Variants in ABCB1 observed in about 807,000 individuals in gnomAD.
The protein encoded by ABCB1 is ATP-dependent translocase ABCB1.
A neutral mutation model predicts 142.0 loss-of-function variants in ABCB1; 69 were observed. The observed-to-expected ratio is 0.49, with a 90% CI of 0.40 to 0.59. ABCB1 has a LOEUF of 0.59. ABCB1 is among the 20% of genes least tolerant of loss of function. The pLI, the probability that ABCB1 is intolerant of heterozygous loss-of-function variation, is 0.00. For missense variants in ABCB1, 1,326 were observed against 1,554.7 expected (o/e 0.85, Z 2.47); for synonymous variants, 532 against 539.2 (o/e 0.99, Z 0.18).
Position 87,504,203 on chromosome 7 carries a change from C to T in ABCB1, c.*40G>A. Reference sequence around the variant, plus strand: ...ACTTTGAATAAATGTCATATCTAAACAAATATTAAAAAGTATTTAACATCT... The same window carrying T: ...ACTTTGAATAAATGTCATATCTAAATAAATATTAAAAAGTATTTAACATCT... On this transcript the variant is annotated 3_prime_UTR_variant, in exon 28 of 28. Coordinates refer to ENST00000622132, the MANE Select transcript of ABCB1 (RefSeq NM_001348946.2). The T allele has an allele frequency of 6.2e-7, 1 of 1,611,350 alleles. No individual in the cohort carries two copies. Among genetic ancestry groups the T allele is most frequent in the Non-Finnish European group, 8.5e-7 (1 of 1,177,848 alleles).
At chr7:87,662,614 A>G (rs763334951) in intron 1 of ABCB1, among the ~76,000 whole-genome samples, 1 of 151,908 alleles carries the variant, frequency 6.6e-6, no homozygotes, top group Non-Finnish European at 1.5e-5. Flanking sequence ...TGGTCTATGT[A>G]TCTCTTTTTA....
At chr7:87,629,235 G>C (rs1820955509) in intron 1 of ABCB1, 1 of 324,692 alleles carries the variant, frequency 3.1e-6, no homozygotes, top group African/African-American at 2.1e-5. Flanking sequence ...GCGTCAGAGT[G>C]AAAGAGGAGG....
rs59787582 is a variant in ABCB1, at chr7:87,553,753, C to T, written c.999+8G>A. ...ATAATGGTTCATTTCTCAATGTAAA[C>T]CACTTACAGTGAGTACTTGTCCAAT... On this transcript the variant is annotated splice_region_variant and intron_variant, in intron 9 of 27. Coordinates refer to ENST00000622132, the MANE Select transcript of ABCB1 (RefSeq NM_001348946.2). The T allele has an allele frequency of 3.1e-6, 5 of 1,612,494 alleles. No homozygotes were observed. The highest frequency in any genetic ancestry group is 1.6e-4 in the Middle Eastern group (1 of 6,082).
chr7:87,688,265 A>G (rs1827669774), intron 1 of ABCB1, among the ~76,000 whole-genome samples: 1 of 152,132 alleles, frequency 6.6e-6, no homozygotes, highest in Admixed American at 6.6e-5. Flanking sequence ...TAAATTGCAT[A>G]TGGAATAAAA....
chr7:87,640,266 A>T (rs10280686), intron 1 of ABCB1, among the ~76,000 whole-genome samples: 7,312 of 151,426 alleles, frequency 0.048, 266 homozygotes, highest in East Asian at 0.09. Context: ...TAGGAAATAC[A>T]CATTTATATT....
rs1295312177 is a variant in ABCB1, at chr7:87,531,394, A to G, written c.2585T>C (p.Leu862Ser). ...TATTGCAATGATGGGTACAATTGCTAAGAGTAACAGTGTTAGTTGCCAACC... is the reference window on the plus strand; with the variant it reads ...TATTGCAATGATGGGTACAATTGCTGAGAGTAACAGTGTTAGTTGCCAACC... ...IYGWQLTLLLLAIVPIIAIAG... is the reference protein window; with the variant it reads ...IYGWQLTLLLSAIVPIIAIAG... The change falls in exon 21 of 28, where the codon TTA (leucine) becomes TCA (serine). Residue 862 changes from leucine (L) to serine (S), a missense_variant. Coordinates refer to ENST00000622132, the MANE Select transcript of ABCB1 (RefSeq NM_001348946.2). The G allele has an allele frequency of 3.7e-6, 6 of 1,613,440 alleles. No homozygotes were observed. Among genetic ancestry groups the G allele is most frequent in the African/African-American group, 1.3e-5 (1 of 74,874 alleles).
intron 1 of ABCB1, among the ~76,000 whole-genome samples, chr7:87,699,226 GA>G (rs1336302532): frequency 6.6e-6 from 1 of 151,868 alleles, no homozygotes; most frequent in East Asian, 1.9e-4. Flanking sequence ...AAATCATGAT[GA>G]AAAAAGCACT....
chr7:87,589,085 G>A (rs1228170826), intron 3 of ABCB1, among the ~76,000 whole-genome samples: 5 of 152,158 alleles, frequency 3.3e-5, no homozygotes, highest in Admixed American at 2.6e-4. Flanking sequence ...TTTCTAGAGA[G>A]AAGGGGGTGA....
Position 87,649,610 on chromosome 7 carries a change from G to A in ABCB1, c.-330-48532C>T, listed in dbSNP as rs28381756. 3.8e-3 allele frequency among the ~76,000 whole-genome samples: 583 copies of A among 152,208 alleles called. 3 individuals are homozygous for A. Among genetic ancestry groups the A allele is most frequent in the African/African-American group, 0.014 (562 of 41,532 alleles). On this transcript the variant is annotated intron_variant, in intron 1 of 28. Coordinates refer to the ABCB1 transcript ENST00000265724. ...TTGACAGTCAAAAATAGAGACAAAG[G>A]ACATTCTGATAAGGAAAAATATAGT...
At chr7:87,581,070 GC>G (rs1434761925) in intron 4 of ABCB1, among the ~76,000 whole-genome samples, 1 of 151,798 alleles carries the variant, frequency 6.6e-6, no homozygotes, top group African/African-American at 2.4e-5. Context: ...ATTTCTGGAG[GC>G]TTTTGTTTGG....
At chr7:87,643,132 C>T (rs1054208307) in intron 1 of ABCB1, among the ~76,000 whole-genome samples, 2 of 152,162 alleles carry the variant, frequency 1.3e-5, no homozygotes, top group African/African-American at 4.8e-5. Context: ...TGCTCAAACT[C>T]CTGACCTCAA....
intron 1 of ABCB1, among the ~76,000 whole-genome samples, chr7:87,615,463 G>C (rs906697198): frequency 6.6e-6 from 1 of 152,198 alleles, no homozygotes; most frequent in African/African-American, 2.4e-5. Flanking sequence ...CTGAGTGAGA[G>C]AGAAAACCAT....
chr7:87,529,512 A>G (rs980819112), intron 21 of ABCB1, among the ~76,000 whole-genome samples: 2 of 152,170 alleles, frequency 1.3e-5, no homozygotes, highest in African/African-American at 4.8e-5. Flanking sequence ...ATATCCACAC[A>G]TAATTCATTT....
At chr7:87,587,543 A>T (rs1818808528) in intron 3 of ABCB1, among the ~76,000 whole-genome samples, 1 of 152,162 alleles carries the variant, frequency 6.6e-6, no homozygotes, top group South Asian at 2.1e-4. Flanking sequence ...GCTTCATATG[A>T]TAAAAGAGGT....
intron 1 of ABCB1, among the ~76,000 whole-genome samples, chr7:87,618,248 T>C (rs980361471): frequency 2.0e-5 from 3 of 152,206 alleles, no homozygotes; most frequent in African/African-American, 7.2e-5. Context: ...ATGTATATGT[T>C]GATTTCTTTA....
chr7:87,541,498 A>G (rs1816535529), intron 17 of ABCB1, 34 bp from the exon 18 acceptor site: 1 of 1,435,804 alleles, frequency 7.0e-7, no homozygotes, highest in Non-Finnish European at 9.8e-7. Context: ...TTTTAGTTCA[A>G]TCAGTGAAGA....
At chr7:87,643,075 CCTGA>C (rs1822611967) in intron 1 of ABCB1, among the ~76,000 whole-genome samples, 1 of 152,204 alleles carries the variant, frequency 6.6e-6, no homozygotes, top group South Asian at 2.1e-4. Context: ...TTCCACCATG[CCTGA>C]CTAATTTTTA....
intron 1 of ABCB1, among the ~76,000 whole-genome samples, chr7:87,686,032 C>T (rs1241808422): frequency 1.3e-5 from 2 of 152,160 alleles, no homozygotes; most frequent in African/African-American, 4.8e-5. Context: ...ATTACTTCTA[C>T]TTTTTCTCTG....
chr7:87,650,807 A>G (rs1364303925), intron 1 of ABCB1: 4 of 1,516,686 alleles, frequency 2.6e-6, no homozygotes, highest in East Asian at 2.3e-5. Context: ...AGCAACAATA[A>G]TCTTTTTTTC....
Sources: gnomAD v4.1 joint callset for allele counts (sites outside exome capture counted in the v4.1 genomes callset) on GRCh38, gnomAD v4.1.1 for gene constraint, MANE v1.5 for transcripts, NCBI Gene and HGNC (gene_info 2026-07-23, HGNC 2026-07-21) for gene names.